Variants in MLLT3 observed in about 807,000 individuals in gnomAD.
MLLT3 encodes MLLT3 super elongation complex subunit, also known as protein AF-9.
In MLLT3, 4 loss-of-function variants were observed where a neutral mutation model predicts 53.2. The ratio of observed to expected loss-of-function variants is 0.08; its 90% CI spans 0.04 to 0.17. MLLT3 has a LOEUF of 0.17. Among genes scored for constraint, MLLT3 ranks in the 10% least tolerant of loss-of-function variants. The pLI is 1.00. For missense variants in MLLT3, 569 were observed against 684.0 expected, an observed-to-expected ratio of 0.83 and a Z score of 1.87; for synonymous variants, 283 against 230.6, an observed-to-expected ratio of 1.23 and a Z score of -2.06.
chr9:20,394,283 G>C (rs1822264753), intron 5 of MLLT3, among the ~76,000 whole-genome samples: 1 of 152,138 alleles, frequency 6.6e-6, no homozygotes, highest in South Asian at 2.1e-4. Context: ...GCCACTTACG[G>C]AGGCAGGGAG....
chr9:20,364,296 C>A (rs1821396647), intron 6 of MLLT3, among the ~76,000 whole-genome samples: 1 of 152,052 alleles, frequency 6.6e-6, no homozygotes, highest in Non-Finnish European at 1.5e-5. Flanking sequence ...AGGACAGTAT[C>A]CAGTATCAGA....
chr9:20,357,979 G>GCACACACACACACACA (rs1491136011), intron 8 of MLLT3, among the ~76,000 whole-genome samples: 60 of 137,870 alleles, frequency 4.4e-4, no homozygotes, highest in African/African-American at 1.6e-3. Flanking sequence ...CCTCCCTCCT[G>GCACACACACACACACA]CGCACACACA....
chr9:20,532,656 G>T (rs1818374450), intron 2 of MLLT3: 2 of 262,530 alleles, frequency 7.6e-6, no homozygotes, highest in South Asian at 1.0e-4. Flanking sequence ...TTGAGAAAAG[G>T]CCTAAGAATT....
chr9:20,370,778 TG>T (rs1365123860), intron 5 of MLLT3, among the ~76,000 whole-genome samples: 2 of 152,174 alleles, frequency 1.3e-5, no homozygotes, highest in African/African-American at 4.8e-5. Flanking sequence ...CCCAAACTGC[TG>T]GGATTACAAG....
Position 20,457,510 on chromosome 9 carries a change from A to G in MLLT3, c.194-724T>C, listed in dbSNP as rs548054305. On this transcript the variant is annotated intron_variant, in intron 2 of 10. Transcript: ENST00000380338. ...GTGATCTGTCCGCCTCAGCCTCCCA[A>G]AGTGTAGGGATTACAGGCATGACCC... is the stretch of plus-strand genomic sequence containing the variant. Among the ~76,000 whole-genome samples the G allele has an allele frequency of 4.0e-5, 6 of 151,774 alleles. No homozygotes were observed. The East Asian group carries it at 1.2e-3, about 30-fold the overall frequency.
chr9:20,405,851 T>A (rs1019204786), intron 5 of MLLT3, among the ~76,000 whole-genome samples: 1 of 152,112 alleles, frequency 6.6e-6, no homozygotes, highest in African/African-American at 2.4e-5. Context: ...GTGGCTCATG[T>A]CTGTAATCCC....
intron 4 of MLLT3, among the ~76,000 whole-genome samples, chr9:20,423,217 A>T (rs535388916): frequency 6.6e-6 from 1 of 152,208 alleles, no homozygotes; most frequent in East Asian, 1.9e-4. Context: ...TAACCACTAC[A>T]TTTTTATTTA....
chr9:20,555,643 C>G (rs1160620562), intron 2 of MLLT3, among the ~76,000 whole-genome samples: 1 of 152,172 alleles, frequency 6.6e-6, no homozygotes, highest in African/African-American at 2.4e-5. Context: ...TTTCCCTTCT[C>G]TTTCCTAACT....
At chr9:20,592,129 C>T (rs934387431) in intron 2 of MLLT3, among the ~76,000 whole-genome samples, 3 of 152,178 alleles carry the variant, frequency 2.0e-5, no homozygotes, top group African/African-American at 7.2e-5. Context: ...ATTCCAATCA[C>T]ATATCCCAAA....
At chr9:20,513,920 A>C (rs1817831308) in intron 2 of MLLT3, among the ~76,000 whole-genome samples, 1 of 152,226 alleles carries the variant, frequency 6.6e-6, no homozygotes, top group African/African-American at 2.4e-5. Context: ...GATAAGTGTA[A>C]GTCTGAGGGG....
intron 2 of MLLT3, among the ~76,000 whole-genome samples, chr9:20,564,224 C>T (rs187988577): frequency 3.1e-4 from 47 of 152,206 alleles, no homozygotes; most frequent in African/African-American, 1.1e-3. Context: ...AAATGTAAAA[C>T]ACTACTAACT....
intron 10 of MLLT3, among the ~76,000 whole-genome samples, chr9:20,349,208 AT>A (rs1300753087): frequency 6.6e-6 from 1 of 152,202 alleles, no homozygotes; most frequent in African/African-American, 2.4e-5. Flanking sequence ...ACAGAACATC[AT>A]AACCTTTGAG....
intron 2 of MLLT3, among the ~76,000 whole-genome samples, chr9:20,574,975 A>G (rs1404698088): frequency 3.3e-5 from 5 of 152,208 alleles, no homozygotes; most frequent in Admixed American, 2.0e-4. Context: ...TTCACCAGGA[A>G]TGGTTTCCAT....
chr9:20,343,575 G>A lies in MLLT3; in HGVS notation c.*2868C>T, dbSNP rs1038768500. ...CTGCAAAACCAGAGGCAAAAGCTAA[G>A]TTATAAGGGGGCAGAGGGGCAGGAG... On this transcript the variant is annotated 3_prime_UTR_variant, in exon 11 of 11. Transcript: ENST00000380338. The A allele has an allele frequency of 1.7e-5, 4 of 229,638 alleles. No individual in the cohort carries two copies. Among genetic ancestry groups the A allele is most frequent in the African/African-American group, 8.9e-5 (4 of 45,090 alleles). The allele number at this position is 229,638 out of a possible 1,614,324, so 14.2% of individuals were successfully genotyped here.
At position 20,621,166 on chromosome 9, in the gene MLLT3, G is replaced by T. The variant is rs553133372; in HGVS notation, c.13-332C>A. 1.3e-5 allele frequency among the ~76,000 whole-genome samples: 2 copies of T among 152,324 alleles called. No homozygotes were observed. The highest frequency in any genetic ancestry group is 4.8e-5 in the African/African-American group (2 of 41,574). ...GACAAGCACGACAACAAATGCATCG[G>T]AAACAAATCAGAAGGCGATGCCGGG... On this transcript the variant is annotated intron_variant, in intron 1 of 10. Coordinates refer to ENST00000380338, the MANE Select transcript of MLLT3 (RefSeq NM_004529.4). This position sits in a 1 kb window ranked among gnomAD's most constrained non-coding sequence, Gnocchi z 7.0.
chr9:20,390,225 G>C (rs898765941), intron 5 of MLLT3, among the ~76,000 whole-genome samples: 1 of 152,102 alleles, frequency 6.6e-6, no homozygotes, highest in East Asian at 1.9e-4. Flanking sequence ...AGGAAAAAGT[G>C]GTAAGTTTAA....
chr9:20,496,166 A>G (rs551813506), intron 2 of MLLT3, among the ~76,000 whole-genome samples: 175 of 152,326 alleles, frequency 1.1e-3, no homozygotes, highest in African/African-American at 4.1e-3. Context: ...TTATCCCTCT[A>G]CAATCATTGC....
chr9:20,611,022 T>C (rs1212758352), intron 2 of MLLT3, among the ~76,000 whole-genome samples: 3 of 152,166 alleles, frequency 2.0e-5, no homozygotes, highest in African/African-American at 7.2e-5. Context: ...AGGAAAATAC[T>C]ATGTGAAATA....
intron 2 of MLLT3, among the ~76,000 whole-genome samples, chr9:20,518,217 C>T (rs989305460): frequency 6.6e-6 from 1 of 151,966 alleles, no homozygotes; most frequent in East Asian, 1.9e-4. Context: ...TGGTGGCACG[C>T]GCCTGTAATC....
Sources: gnomAD v4.1 joint callset for allele counts (sites outside exome capture counted in the v4.1 genomes callset) on GRCh38, gnomAD v4.1.1 for gene constraint, Gnocchi (gnomAD v3.1) non-coding constraint, MANE v1.5 for transcripts, NCBI Gene and HGNC (gene_info 2026-07-23, HGNC 2026-07-21) for gene names.